RIMKLB: variants seen among roughly 807,000 people sequenced by gnomAD.
RIMKLB encodes the protein ribosomal modification protein rimK like family member B, also known as beta-citrylglutamate synthase B.
RIMKLB carries 7 observed loss-of-function variants against 32.0 expected under a neutral mutation model. That is an observed-to-expected ratio of 0.22 (90% confidence interval 0.12 to 0.41). RIMKLB has a LOEUF of 0.41. RIMKLB is among the 10% of genes least tolerant of loss of function. RIMKLB has a pLI of 1.00. For synonymous variants in RIMKLB, 172 were observed against 185.1 expected, an observed-to-expected ratio of 0.93 and a Z score of 0.57; for missense variants, 289 against 498.7, an observed-to-expected ratio of 0.58 and a Z score of 4.00.
intron 1 of RIMKLB, among the ~76,000 whole-genome samples, chr12:8,710,507 C>T (rs2136903805): frequency 6.6e-6 from 1 of 151,988 alleles, no homozygotes; most frequent in South Asian, 2.1e-4. Flanking sequence ...AGGGTTTTGC[C>T]ATATTGGCCA....
chr12:8,740,702 T>A (rs1947423933), intron 2 of RIMKLB, among the ~76,000 whole-genome samples: 1 of 152,262 alleles, frequency 6.6e-6, no homozygotes, highest in Admixed American at 6.5e-5. Flanking sequence ...TTTTGCTGTT[T>A]TCTCTACAAT....
intron 1 of RIMKLB, among the ~76,000 whole-genome samples, chr12:8,689,339 A>C (rs1290616447): frequency 6.6e-6 from 1 of 152,276 alleles, no homozygotes; most frequent in Non-Finnish European, 1.5e-5. Context: ...GGCTGAAAAG[A>C]GACGTCCTCG....
chr12:8,693,858 G>C (rs184585271), upstream of RIMKLB, among the ~76,000 whole-genome samples: 15 of 152,216 alleles, frequency 9.9e-5, no homozygotes, highest in East Asian at 1.9e-4. Context: ...AAATCCCCTG[G>C]AGGGCTCTGA....
chr12:8,676,258 G>C, the RIMKLB span, among the ~76,000 whole-genome samples: 7 of 151,732 alleles, frequency 4.6e-5, no homozygotes, highest in Non-Finnish European at 7.4e-5. Context: ...ATTTTTTGTA[G>C]AGACAGGTTT....
At chr12:8,729,470 T>G (rs1490286442) in intron 2 of RIMKLB, among the ~76,000 whole-genome samples, 2 of 151,936 alleles carry the variant, frequency 1.3e-5, no homozygotes, top group Non-Finnish European at 2.9e-5. Flanking sequence ...CTAACCATAG[T>G]CTCCGACGTC....
chr12:8,729,872 A>T (rs115475036), intron 2 of RIMKLB, among the ~76,000 whole-genome samples: 1 of 152,204 alleles, frequency 6.6e-6, no homozygotes, highest in African/African-American at 2.4e-5. Flanking sequence ...CTTCTGTTTT[A>T]TAATAGCCAT....
At chr12:8,740,911 A>G (rs1252681282) in intron 2 of RIMKLB, among the ~76,000 whole-genome samples, 1 of 151,952 alleles carries the variant, frequency 6.6e-6, no homozygotes, top group Non-Finnish European at 1.5e-5. Flanking sequence ...CATCCCCTCT[A>G]AAAAATACAA....
At chr12:8,770,752 A>C (rs1950335763) in intron 5 of RIMKLB, among the ~76,000 whole-genome samples, 1 of 152,148 alleles carries the variant, frequency 6.6e-6, no homozygotes. Flanking sequence ...ATCAGATCTG[A>C]CAGGTTGAGG....
At chr12:8,735,228 A>C (rs369022004) in intron 2 of RIMKLB, among the ~76,000 whole-genome samples, 1 of 152,150 alleles carries the variant, frequency 6.6e-6, no homozygotes, top group East Asian at 1.9e-4. Context: ...AAGCAGGCTA[A>C]AATTTTTTTT....
intron 2 of RIMKLB, among the ~76,000 whole-genome samples, chr12:8,725,567 C>G (rs901648154): frequency 1.3e-5 from 2 of 152,202 alleles, no homozygotes; most frequent in Admixed American, 6.5e-5. Flanking sequence ...GCCCCGGCCC[C>G]TTTGCATATG....
At chr12:8,691,930 TATC>T (rs2136578124) in intron 1 of RIMKLB, among the ~76,000 whole-genome samples, 2 of 152,288 alleles carry the variant, frequency 1.3e-5, no homozygotes, top group South Asian at 4.1e-4. Context: ...GTTTGCATAT[TATC>T]ATTTCTCTGG....
chr12:8,747,520 ACTGT>A (rs776836500), intron 2 of RIMKLB, among the ~76,000 whole-genome samples: 9 of 152,138 alleles, frequency 5.9e-5, no homozygotes, highest in African/African-American at 4.8e-5. Context: ...AAATTAATAT[ACTGT>A]CTGTCTCCCA....
At chr12:8,760,105 C>G (rs764642976) in intron 5 of RIMKLB, among the ~76,000 whole-genome samples, 280 of 152,252 alleles carry the variant, frequency 1.8e-3, no homozygotes, top group African/African-American at 6.5e-3. Flanking sequence ...TTCCCCTACC[C>G]CACAACAGGC....
chr12:8,704,188 C>T (rs1943649894), intron 1 of RIMKLB, among the ~76,000 whole-genome samples: 1 of 152,082 alleles, frequency 6.6e-6, no homozygotes, highest in Admixed American at 6.6e-5. Context: ...TTGAGACCAG[C>T]CTGAGCAACG....
intron 2 of RIMKLB, among the ~76,000 whole-genome samples, chr12:8,744,665 T>C (rs113755531): frequency 0.014 from 2,164 of 151,098 alleles, 37 homozygotes; most frequent in Non-Finnish European, 0.021. Context: ...TTTTAAACTT[T>C]ATTTATTTAT....
intron 2 of RIMKLB, among the ~76,000 whole-genome samples, chr12:8,725,934 G>A (rs1333439830): frequency 6.6e-6 from 1 of 152,148 alleles, no homozygotes; most frequent in Non-Finnish European, 1.5e-5. Flanking sequence ...TGCAACCTCC[G>A]CCTTCCAGGT....
intron 2 of RIMKLB, among the ~76,000 whole-genome samples, chr12:8,718,669 ATGTGTG>A (rs1182850325): frequency 0.012 from 1,396 of 116,172 alleles, 8 homozygotes; most frequent in Non-Finnish European, 0.017. Flanking sequence ...ATATATATAT[ATGTGTG>A]TGTGTGTGTG....
At chr12:8,755,001 G>A (rs1469260239) in intron 5 of RIMKLB, among the ~76,000 whole-genome samples, 1 of 152,132 alleles carries the variant, frequency 6.6e-6, no homozygotes, top group Non-Finnish European at 1.5e-5. Context: ...ACCCAGGCTG[G>A]AATGCAGTGG....
In RIMKLB at chr12:8,776,756, T is replaced by A; in HGVS notation, c.*2972T>A. ...GAACATTGAAATCTTCCTGTATATG[T>A]TACCAATAAGAAAACTACCCTGGAA... On this transcript the variant is annotated 3_prime_UTR_variant, in exon 6 of 6. Transcript: ENST00000535829. 1.0e-6 allele frequency: 1 copy of A among 985,430 alleles called. No homozygotes were observed. Among genetic ancestry groups the A allele is most frequent in the Non-Finnish European group, 1.2e-6 (1 of 829,894 alleles). 61.0% of individuals were successfully genotyped at this position (985,430 alleles called of 1,614,324 possible). A position where few individuals can be genotyped will look rare whatever the true frequency, so the allele number is the denominator to read the frequency against.
Sources: allele counts gnomAD v4.1 joint callset (sites outside exome capture counted in the v4.1 genomes callset), GRCh38; gene constraint gnomAD v4.1.1; transcripts MANE v1.5; gene names NCBI Gene and HGNC (gene_info 2026-07-23, HGNC 2026-07-21).